Variants in ITGA8 observed in about 807,000 individuals in gnomAD.
ITGA8 encodes integrin alpha-8.
A neutral mutation model predicts 142.3 loss-of-function variants in ITGA8; 91 were observed. The observed-to-expected ratio is 0.64, with a 90% CI of 0.54 to 0.76. The LOEUF is 0.76. Among genes scored for constraint, ITGA8 ranks in the 30% least tolerant of loss-of-function variants. The pLI, the probability that ITGA8 is intolerant of heterozygous loss-of-function variation, is 0.00. For missense variants in ITGA8, 1,406 were observed against 1,327.7 expected (o/e 1.06, Z -0.92); for synonymous variants, 505 against 485.2 (o/e 1.04, Z -0.54).
chr10:15,644,489 T>G (rs1303919698), intron 12 of ITGA8, among the ~76,000 whole-genome samples: 3 of 21,370 alleles, frequency 1.4e-4, no homozygotes, highest in African/African-American at 2.5e-4. Flanking sequence ...TATATATATA[T>G]ATAGAATTTT....
chr10:15,616,632 T>C, intron 13 of ITGA8, 73 bp from the exon 14 acceptor site: 1 of 1,271,202 alleles, frequency 7.9e-7, no homozygotes, highest in East Asian at 2.3e-5. Context: ...AAATCGTAAG[T>C]AGCACATAGA....
At chr10:15,654,170 C>CT (rs1399671444) in intron 11 of ITGA8, among the ~76,000 whole-genome samples, 1 of 152,142 alleles carries the variant, frequency 6.6e-6, no homozygotes, top group Admixed American at 6.6e-5. Context: ...TAGCTCATTT[C>CT]TTTTTTAGCA....
At chr10:15,624,269 A>G (rs140730877) in intron 13 of ITGA8, among the ~76,000 whole-genome samples, 79 of 152,338 alleles carry the variant, frequency 5.2e-4, no homozygotes, top group Non-Finnish European at 9.0e-4. Flanking sequence ...GTGGCAGCTG[A>G]AAAATCAGCA....
chr10:15,523,476 C>T (rs917316456), intron 28 of ITGA8, among the ~76,000 whole-genome samples: 1 of 152,134 alleles, frequency 6.6e-6, no homozygotes, highest in Non-Finnish European at 1.5e-5. Context: ...CTGACAGCAG[C>T]GTCTTTAAAA....
At chr10:15,692,879 C>T (rs1388107262) in intron 2 of ITGA8, among the ~76,000 whole-genome samples, 2 of 152,128 alleles carry the variant, frequency 1.3e-5, no homozygotes, top group Non-Finnish European at 2.9e-5. Context: ...ACCAGCCTGA[C>T]CAATATGGTG....
In ITGA8 at chr10:15,639,827, T is replaced by C. The variant is rs192973757; in HGVS notation, c.1399+4203A>G. Among the ~76,000 whole-genome samples the C allele has an allele frequency of 5.0e-3, 762 of 152,334 alleles. 6 individuals are homozygous for C. Among genetic ancestry groups the C allele is most frequent in the African/African-American group, 0.017 (721 of 41,582 alleles). On this transcript the variant is annotated intron_variant, in intron 13 of 29. Transcript: ENST00000378076. ...CTGAACATTCGGATTTTTTAAAGCT[T>C]TCCACGTGATTTTAATATGCAACCA...
At chr10:15,637,831 A>G (rs1833801031) in intron 13 of ITGA8, among the ~76,000 whole-genome samples, 1 of 151,124 alleles carries the variant, frequency 6.6e-6, no homozygotes, top group African/African-American at 2.4e-5. Flanking sequence ...AATTGGCTTG[A>G]TGTTTTCCAA....
rs183893475 is a variant in ITGA8, at chr10:15,547,540, C to G, written c.2880+915G>C. On this transcript the variant is annotated intron_variant, in intron 27 of 29. Coordinates refer to ENST00000378076, the MANE Select transcript of ITGA8 (RefSeq NM_003638.3). ...TGAGTCAAGATCGCACTACTGCACT[C>G]CAGGCTGGGTAACAGAGCAAGACTC... is the stretch of plus-strand genomic sequence containing the variant. Among the ~76,000 whole-genome samples, 366 of 152,320 alleles carry G rather than the reference C, an allele frequency of 2.4e-3. 2 individuals are homozygous for G. The highest frequency in any genetic ancestry group is 8.2e-3 in the African/African-American group (339 of 41,570).
At chr10:15,675,999 A>T (rs752505110) in intron 6 of ITGA8, among the ~76,000 whole-genome samples, 7 of 152,166 alleles carry the variant, frequency 4.6e-5, no homozygotes, top group Non-Finnish European at 1.0e-4. Flanking sequence ...TAAAAATATC[A>T]TGAAAATTTA....
intron 2 of ITGA8, among the ~76,000 whole-genome samples, chr10:15,694,459 AATAC>A (rs1273093808): frequency 2.4e-5 from 3 of 127,630 alleles, no homozygotes; most frequent in East Asian, 2.2e-4. Context: ...TTATATTTAT[AATAC>A]ATCTATTATA....
At chr10:15,574,126 A>G (rs949545092) in intron 24 of ITGA8, among the ~76,000 whole-genome samples, 16 of 151,814 alleles carry the variant, frequency 1.1e-4, no homozygotes, top group African/African-American at 3.9e-4. Flanking sequence ...CCAGCCATAT[A>G]TGTTGGCTTC....
intron 4 of ITGA8, 100 bp downstream of exon 4, chr10:15,683,904 C>A: frequency 2.8e-6 from 4 of 1,417,862 alleles, no homozygotes; most frequent in East Asian, 2.3e-5. Context: ...TCCTTGCAAC[C>A]CTGTAAGTTA....
rs181709231 is a variant in ITGA8, at chr10:15,549,563, T to A, written c.2767-995A>T. Among the ~76,000 whole-genome samples, 192 of 152,300 alleles carry A rather than the reference T, an allele frequency of 1.3e-3. 1 individual carries two copies. The highest frequency in any genetic ancestry group is 4.4e-3 in the African/African-American group (183 of 41,558). ...AGCATGGAAATAAATGAACACATCA[T>A]AATCCATTTTTTGTGTGCCATGCAC... On this transcript the variant is annotated intron_variant, in intron 26 of 29. Coordinates refer to ENST00000378076, the MANE Select transcript of ITGA8 (RefSeq NM_003638.3).
intron 6 of ITGA8, among the ~76,000 whole-genome samples, chr10:15,673,985 C>T (rs961725118): frequency 6.7e-6 from 1 of 148,924 alleles, no homozygotes; most frequent in African/African-American, 2.6e-5. Flanking sequence ...TGGCAGAAAA[C>T]TGAAGAAATG....
At position 15,635,251 on chromosome 10, in the gene ITGA8, C is replaced by T. The variant is rs573478960; in HGVS notation, c.1399+8779G>A. Reference sequence around the variant, plus strand: ...TGATCTCTTGACTTCATGATCTGCCCGCCTCAACCTCCAAAAGTGCTGGGA... The same window carrying T: ...TGATCTCTTGACTTCATGATCTGCCTGCCTCAACCTCCAAAAGTGCTGGGA... On this transcript the variant is annotated intron_variant, in intron 13 of 29. Transcript: ENST00000378076. Among the ~76,000 whole-genome samples, 147 of 151,996 alleles carry T rather than the reference C, an allele frequency of 9.7e-4. 1 individual carries two copies. The highest frequency in any genetic ancestry group is 1.2e-3 in the Non-Finnish European group (84 of 67,988).
intron 2 of ITGA8, among the ~76,000 whole-genome samples, chr10:15,715,370 T>G (rs1197106722): frequency 6.6e-6 from 1 of 152,122 alleles, no homozygotes; most frequent in South Asian, 2.1e-4. Context: ...AAGGCAAATA[T>G]AGCCTTCCAA....
chr10:15,531,968 A>G (rs1833308722), intron 27 of ITGA8, among the ~76,000 whole-genome samples: 1 of 145,040 alleles, frequency 6.9e-6, no homozygotes, highest in African/African-American at 2.5e-5. Context: ...AAATCGTAGT[A>G]TATTTCACAG....
intron 13 of ITGA8, among the ~76,000 whole-genome samples, chr10:15,630,784 A>G (rs925267836): frequency 6.6e-6 from 1 of 151,986 alleles, no homozygotes; most frequent in Non-Finnish European, 1.5e-5. Flanking sequence ...ACACAGGAGA[A>G]ATTGACTCCA....
Position 15,573,611 on chromosome 10 carries a change from C to T in ITGA8, c.2479-1242G>A, listed in dbSNP as rs558113149. ...CCCAGGAGTTGAGGCATCTTCCCTA[C>T]GTTTGTAAACAGTTCATCACTTTTG... On this transcript the variant is annotated intron_variant, in intron 24 of 29. Transcript: ENST00000378076. Among the ~76,000 whole-genome samples, 32 of 152,144 alleles carry T rather than the reference C, an allele frequency of 2.1e-4. No individual in the cohort carries two copies. In the South Asian group the frequency reaches 5.0e-3, roughly 24 times the overall value.
Sources: allele counts gnomAD v4.1 joint callset (sites outside exome capture counted in the v4.1 genomes callset), GRCh38; gene constraint gnomAD v4.1.1; transcripts MANE v1.5; gene names NCBI Gene and HGNC (gene_info 2026-07-23, HGNC 2026-07-21).